Variants in APP observed in about 807,000 individuals in gnomAD.
APP encodes the protein amyloid beta precursor protein.
In APP, 31 loss-of-function variants were observed where a neutral mutation model predicts 101.4. That is an observed-to-expected ratio of 0.31 (90% CI 0.23 to 0.41). The LOEUF is 0.41. APP is among the 10% of genes least tolerant of loss of function. The pLI is 1.00. For missense variants in APP, 839 were observed against 1,003.7 expected, an observed-to-expected ratio of 0.84 and a Z score of 2.22; for synonymous variants, 366 against 364.4, an observed-to-expected ratio of 1.00 and a Z score of -0.05.
chr21:26,102,436 C>T (rs1487957510), intron 2 of APP, among the ~76,000 whole-genome samples: 3 of 151,984 alleles, frequency 2.0e-5, no homozygotes, highest in African/African-American at 7.3e-5. Context: ...AGAAACAGGA[C>T]AATAAAATCT....
At chr21:26,049,966 C>G (rs1448222310) in intron 5 of APP, among the ~76,000 whole-genome samples, 1 of 152,178 alleles carries the variant, frequency 6.6e-6, no homozygotes, top group East Asian at 1.9e-4. Flanking sequence ...AGCTGGCTAG[C>G]ATTTCAACTG....
chr21:26,098,921 G>C (rs1287179507), intron 2 of APP, among the ~76,000 whole-genome samples: 1 of 152,170 alleles, frequency 6.6e-6, no homozygotes, highest in African/African-American at 2.4e-5. Flanking sequence ...TGTTTTGCCA[G>C]GATTGCTGGA....
chr21:25,975,547 CCT>C (rs199819611), intron 10 of APP, among the ~76,000 whole-genome samples: 1,617 of 152,024 alleles, frequency 0.011, 21 homozygotes, highest in African/African-American at 0.036. Context: ...AAAAAAAATC[CCT>C]CTCTTACTAA....
chr21:25,996,800 A>G (rs561565002), intron 8 of APP, among the ~76,000 whole-genome samples: 18 of 152,334 alleles, frequency 1.2e-4, no homozygotes, highest in Admixed American at 3.3e-4. Context: ...AGTCTTTGGA[A>G]CAAGTCCTGT....
intron 6 of APP, among the ~76,000 whole-genome samples, chr21:26,018,415 G>A (rs2044195416): frequency 6.6e-6 from 1 of 152,310 alleles, no homozygotes; most frequent in South Asian, 2.1e-4. Flanking sequence ...TTTACAAAAT[G>A]AGTAATCACC....
intron 16 of APP, among the ~76,000 whole-genome samples, chr21:25,893,940 T>C (rs1736419890): frequency 1.3e-5 from 2 of 152,200 alleles, no homozygotes; most frequent in African/African-American, 2.4e-5. Flanking sequence ...AAGCTGACTC[T>C]CTTGTTAGGG....
chr21:25,944,536 A>G (rs946157562), intron 13 of APP, among the ~76,000 whole-genome samples: 1 of 152,220 alleles, frequency 6.6e-6, no homozygotes, highest in Non-Finnish European at 1.5e-5. Flanking sequence ...CCAACAAGCA[A>G]ATTAACATGT....
intron 1 of APP, among the ~76,000 whole-genome samples, chr21:26,115,785 A>T (rs2062422050): frequency 6.6e-6 from 1 of 152,340 alleles, no homozygotes; most frequent in East Asian, 1.9e-4. Flanking sequence ...AAAAAAGCAC[A>T]GTCTTACAAA....
chr21:25,910,272 T>C (rs1238937336), intron 14 of APP, among the ~76,000 whole-genome samples: 7 of 151,946 alleles, frequency 4.6e-5, no homozygotes, highest in Admixed American at 2.0e-4. Flanking sequence ...GGACTACAGG[T>C]GCCCGCCACC....
intron 17 of APP, among the ~76,000 whole-genome samples, chr21:25,887,415 G>A (rs2037396160): frequency 6.6e-6 from 1 of 151,242 alleles, no homozygotes; most frequent in South Asian, 2.1e-4. Context: ...GCACCAATAA[G>A]GCACAGTTAC....
intron 12 of APP, among the ~76,000 whole-genome samples, chr21:25,955,420 T>C (rs539450910): frequency 6.6e-6 from 1 of 152,334 alleles, no homozygotes; most frequent in East Asian, 1.9e-4. Context: ...CTAAGATTTT[T>C]ACATTTGTTA....
At chr21:26,089,413 C>T (rs1202379269) in intron 3 of APP, 2 of 151,796 alleles carry the variant, frequency 1.3e-5, no homozygotes, top group African/African-American at 4.8e-5. Flanking sequence ...AGACTGTTTC[C>T]TCCAGTTTGA....
intron 3 of APP, among the ~76,000 whole-genome samples, chr21:26,054,620 GTTTTTTTTTTTT>G (rs369608335): frequency 1.9e-5 from 2 of 107,994 alleles, no homozygotes; most frequent in Admixed American, 1.0e-4. Flanking sequence ...TAGGCCAAAA[GTTTTTTTTTTTT>G]TTTTTTTTTT....
intron 9 of APP, among the ~76,000 whole-genome samples, chr21:25,976,802 G>T (rs1470618851): frequency 6.6e-6 from 1 of 152,210 alleles, no homozygotes; most frequent in South Asian, 2.1e-4. Context: ...ATGTTGAGGG[G>T]TAAGTCCTGT....
chr21:25,958,885 G>A (rs187946938), intron 11 of APP, among the ~76,000 whole-genome samples: 14 of 152,114 alleles, frequency 9.2e-5, no homozygotes, highest in East Asian at 1.9e-4. Context: ...TCAAATCTTC[G>A]TCTCAGCCCT....
At position 25,881,578 on chromosome 21, in the gene APP, T is replaced by G; in HGVS notation, c.*92A>C. The G allele has an allele frequency of 7.1e-7, 1 of 1,415,946 alleles. No homozygotes were observed. Among genetic ancestry groups the G allele is most frequent in the African/African-American group, 1.4e-5 (1 of 71,044 alleles). The allele number at this position is 1,415,946 out of a possible 1,614,324, so 87.7% of individuals were successfully genotyped here. A position where few individuals can be genotyped will look rare whatever the true frequency, so the allele number is the denominator to read the frequency against. Reference sequence around the variant, plus strand: ...TAATGAGTAAATCATAAAACGGGTTTGTTTCTTCCCACATTATTCTATAAA... The same window carrying G: ...TAATGAGTAAATCATAAAACGGGTTGGTTTCTTCCCACATTATTCTATAAA... On this transcript the variant is annotated 3_prime_UTR_variant, in exon 18 of 18. Transcript: ENST00000346798.
At chr21:26,099,394 C>T (rs2830053) in intron 2 of APP, among the ~76,000 whole-genome samples, 14,110 of 152,180 alleles carry the variant, frequency 0.093, 903 homozygotes, top group Admixed American at 0.15. Context: ...TTCCTAAGTA[C>T]CAGACATCAC....
At chr21:26,034,737 G>A (rs2045020753) in intron 5 of APP, among the ~76,000 whole-genome samples, 1 of 151,876 alleles carries the variant, frequency 6.6e-6, no homozygotes, top group Non-Finnish European at 1.5e-5. Flanking sequence ...AGACCAATCA[G>A]GAACAATGTC....
chr21:25,889,322 C>T (rs141300694), intron 17 of APP, among the ~76,000 whole-genome samples: 23 of 152,246 alleles, frequency 1.5e-4, no homozygotes, highest in African/African-American at 4.6e-4. Context: ...AGCAGACAGG[C>T]ATCTGCAAAC....
Sources: allele counts gnomAD v4.1 joint callset (sites outside exome capture counted in the v4.1 genomes callset), GRCh38; gene constraint gnomAD v4.1.1; transcripts MANE v1.5; gene names NCBI Gene and HGNC (gene_info 2026-07-23, HGNC 2026-07-21).